The following EIF2AK4 variants were observed in gnomAD, a reference collection of about 807,000 sequenced individuals.
The protein encoded by EIF2AK4 is eIF-2-alpha kinase GCN2.
In EIF2AK4, 139 loss-of-function variants were observed where a neutral mutation model predicts 211.1. The ratio of observed to expected loss-of-function variants is 0.66; its 90% CI spans 0.57 to 0.76. The LOEUF is 0.76. Ranked by LOEUF, EIF2AK4 falls within the 30% of genes least tolerant of loss-of-function variation. The pLI, the probability that EIF2AK4 is intolerant of heterozygous loss-of-function variation, is 0.00. For missense variants in EIF2AK4, 1,664 were observed against 2,043.8 expected (o/e 0.81, Z 3.58); for synonymous variants, 710 against 751.3 (o/e 0.94, Z 0.90).
chr15:39,960,765 G>T (rs2034460493), intron 6 of EIF2AK4, among the ~76,000 whole-genome samples: 1 of 152,196 alleles, frequency 6.6e-6, no homozygotes, highest in African/African-American at 2.4e-5. Flanking sequence ...GGAGACCTTT[G>T]TAGGGGATGG....
intron 2 of EIF2AK4, among the ~76,000 whole-genome samples, chr15:39,942,410 C>T (rs192207195): frequency 2.6e-5 from 4 of 152,294 alleles, no homozygotes; most frequent in Admixed American, 2.6e-4. Context: ...ATATAGACTA[C>T]TTTCTCTCAG....
In EIF2AK4 at chr15:39,956,882, T is replaced by G. The variant is rs545527816; in HGVS notation, c.743+1114T>G. ...TATAAACTTCTGTATAGTTTGTTTATTAGAAGGAGCCATTTTAGTTCTTTC... is the reference window on the plus strand; with the variant it reads ...TATAAACTTCTGTATAGTTTGTTTAGTAGAAGGAGCCATTTTAGTTCTTTC... On this transcript the variant is annotated intron_variant, in intron 6 of 38. Coordinates refer to ENST00000263791, the MANE Select transcript of EIF2AK4 (RefSeq NM_001013703.4). Among the ~76,000 whole-genome samples, 7 of 152,328 alleles carry G rather than the reference T, an allele frequency of 4.6e-5. No homozygotes were observed. The East Asian group carries it at 5.8e-4, about 13-fold the overall frequency.
intron 32 of EIF2AK4, among the ~76,000 whole-genome samples, chr15:40,025,703 C>G (rs1020557816): frequency 6.6e-6 from 1 of 152,186 alleles, no homozygotes; most frequent in African/African-American, 2.4e-5. Context: ...GGTTTCTCAA[C>G]AGCAGCGCTG....
At chr15:39,999,069 AAAAAAGAATCCTTT>A (rs2035059642) in intron 20 of EIF2AK4, among the ~76,000 whole-genome samples, 1 of 152,170 alleles carries the variant, frequency 6.6e-6, no homozygotes, top group Non-Finnish European at 1.5e-5. Context: ...TGTTGAAAAA[AAAAAAGAATCCTTT>A]TACAACTCAT....
Position 40,024,700 on chromosome 15 carries a change from C to CTT in EIF2AK4, c.4390-1265_4390-1264dup, listed in dbSNP as rs34431419. 5.7e-3 allele frequency among the ~76,000 whole-genome samples: 802 copies of CTT among 140,416 alleles called. 9 individuals carry two copies. The highest frequency in any genetic ancestry group is 0.011 in the Middle Eastern group (3 of 264). The allele number at this position is 140,416 out of a possible 152,430, so 92.1% of individuals were successfully genotyped here. A position where few individuals can be genotyped will look rare whatever the true frequency, so the allele number is the denominator to read the frequency against. ...GGCGTGAGCCACTGCGCCCAGCCTC[C>CTT]TTTTTTTTTTTTTACTCTGAGAATC... is the stretch of plus-strand genomic sequence containing the variant. On this transcript the variant is annotated intron_variant, in intron 32 of 38. Coordinates refer to ENST00000263791, the MANE Select transcript of EIF2AK4 (RefSeq NM_001013703.4).
intron 1 of EIF2AK4, among the ~76,000 whole-genome samples, chr15:39,938,007 T>C (rs1018882054): frequency 6.6e-6 from 1 of 152,268 alleles, no homozygotes; most frequent in Admixed American, 6.5e-5. Flanking sequence ...CAATGCTACA[T>C]CCTCAGATAG....
chr15:40,001,429 C>T (rs1472596990), intron 21 of EIF2AK4, among the ~76,000 whole-genome samples: 1 of 152,016 alleles, frequency 6.6e-6, no homozygotes, highest in Non-Finnish European at 1.5e-5. Flanking sequence ...GAGTCCTTGA[C>T]CTTTCCTCCT....
intron 20 of EIF2AK4, among the ~76,000 whole-genome samples, chr15:40,000,114 C>T (rs1008201829): frequency 2.0e-5 from 3 of 152,194 alleles, no homozygotes; most frequent in African/African-American, 7.2e-5. Context: ...TTTACCAGTA[C>T]AGCAGGGTCT....
At chr15:39,950,650 T>C (rs190908419) in intron 4 of EIF2AK4, among the ~76,000 whole-genome samples, 1 of 151,582 alleles carries the variant, frequency 6.6e-6, no homozygotes, top group East Asian at 1.9e-4. Flanking sequence ...ATCTACTGTA[T>C]GATAAGAATG....
chr15:39,971,211 C>T (rs2034619549), intron 9 of EIF2AK4, among the ~76,000 whole-genome samples: 1 of 152,008 alleles, frequency 6.6e-6, no homozygotes, highest in Non-Finnish European at 1.5e-5. Flanking sequence ...ATAGTAAGAC[C>T]TCATCTCTAC....
In EIF2AK4 at chr15:40,008,187, G is replaced by T. The variant is rs1368185718; in HGVS notation, c.3568G>T (p.Ala1190Ser). ...CTATGAAATCATCCAAGAGTTTCCAGCACTTCAGGTTCCTTTCCATATTTT... is the reference window on the plus strand; with the variant it reads ...CTATGAAATCATCCAAGAGTTTCCATCACTTCAGGTTCCTTTCCATATTTT... ...TIYEIIQEFP[A>S]LQERNYSIYL... The change falls in exon 25 of 39, where the codon GCA becomes TCA. Residue 1190 changes from alanine (A) to serine (S), a missense_variant. Coordinates refer to ENST00000263791, the MANE Select transcript of EIF2AK4 (RefSeq NM_001013703.4). 6.3e-7 allele frequency: 1 copy of T among 1,597,898 alleles called. No homozygotes were observed. The highest frequency in any genetic ancestry group is 2.3e-5 in the East Asian group (1 of 44,268).
In EIF2AK4 at chr15:39,965,716, A is replaced by G; in HGVS notation, c.890A>G (p.Tyr297Cys). ...GSDEQLGKLVYNALETATGGF... is the reference protein window; with the variant it reads ...GSDEQLGKLVCNALETATGGF... ...GATGAACAACTTGGAAAATTAGTCTACAATGCTTTGGAAACAGCCACTGGT... is the reference window on the plus strand; with the variant it reads ...GATGAACAACTTGGAAAATTAGTCTGCAATGCTTTGGAAACAGCCACTGGT... Residue 297 changes from tyrosine to cysteine, a missense_variant, in exon 8 of 39, where the codon TAC (tyrosine) becomes TGC (cysteine). Coordinates refer to ENST00000263791, the MANE Select transcript of EIF2AK4 (RefSeq NM_001013703.4). 8 of 1,614,058 alleles carry G rather than the reference A, an allele frequency of 5.0e-6. No homozygotes were observed. Among genetic ancestry groups the G allele is most frequent in the South Asian group, 1.1e-5 (1 of 91,072 alleles).
intron 6 of EIF2AK4, among the ~76,000 whole-genome samples, chr15:39,957,973 G>C (rs1480197242): frequency 6.6e-6 from 1 of 152,190 alleles, no homozygotes; most frequent in Non-Finnish European, 1.5e-5. Context: ...ATACTCAAAG[G>C]CTTTTCACTG....
At chr15:40,009,803 T>G in intron 26 of EIF2AK4, 73 bp downstream of exon 26, 2 of 1,120,546 alleles carry the variant, frequency 1.8e-6, no homozygotes, top group Non-Finnish European at 2.6e-6. Context: ...TAGTTCCTGA[T>G]GATTTTCTTA....
At chr15:40,019,026 A>T (rs1465791263) in intron 29 of EIF2AK4, 67 bp from the exon 30 acceptor site, 2 of 1,212,210 alleles carry the variant, frequency 1.6e-6, no homozygotes, top group Non-Finnish European at 2.4e-6. Flanking sequence ...CTCTTTAATC[A>T]TTGTTTTCCC....
intron 5 of EIF2AK4, among the ~76,000 whole-genome samples, 194 bp from the exon 6 acceptor site, chr15:39,955,426 C>A (rs1308118200): frequency 1.3e-5 from 2 of 152,070 alleles, no homozygotes; most frequent in Non-Finnish European, 2.9e-5. Context: ...AAATATTTAG[C>A]ATTTCTTTGT....
At chr15:39,948,453 C>T (rs1476859976) in intron 3 of EIF2AK4, among the ~76,000 whole-genome samples, 2 of 152,156 alleles carry the variant, frequency 1.3e-5, no homozygotes, top group Non-Finnish European at 1.5e-5. Context: ...TTTATGTCTC[C>T]TGCGGGTAAG....
Position 40,026,106 on chromosome 15 carries a change from A to G in EIF2AK4, c.4502+17A>G. 1 of 1,605,276 alleles carries G rather than the reference A, an allele frequency of 6.2e-7. No homozygotes were observed. The highest frequency in any genetic ancestry group is 8.5e-7 in the Non-Finnish European group (1 of 1,172,870). On this transcript the variant is annotated intron_variant, in intron 33 of 38. Transcript: ENST00000263791. ...GAATGGCAGGTAACTTAGGAAACAA[A>G]AGCCGAGAAAAGTGACTTCAGTTAC...
Position 39,998,799 on chromosome 15 carries a change from C to T in EIF2AK4, c.2922+15C>T, listed in dbSNP as rs1483245756. 16 of 1,602,048 alleles carry T rather than the reference C, an allele frequency of 1.0e-5. No individual in the cohort carries two copies. The highest frequency in any genetic ancestry group is 2.7e-5 in the African/African-American group (2 of 74,694). ...ATGCAAAGCAGGTAATTTTCTGATG[C>T]GTCAATTACTATGTCTTCAGTCTTG... On this transcript the variant is annotated intron_variant, in intron 20 of 38. Coordinates refer to ENST00000263791, the MANE Select transcript of EIF2AK4 (RefSeq NM_001013703.4).
Sources: allele counts gnomAD v4.1 joint callset (sites outside exome capture counted in the v4.1 genomes callset), GRCh38; gene constraint gnomAD v4.1.1; transcripts MANE v1.5; gene names NCBI Gene and HGNC (gene_info 2026-07-23, HGNC 2026-07-21).